DNAH7: variants seen among roughly 807,000 people sequenced by gnomAD.
DNAH7 encodes axonemal beta dynein heavy chain 7.
Under a neutral mutation model 444.6 loss-of-function variants are expected in DNAH7, and 397 were observed. The ratio of observed to expected loss-of-function variants is 0.89; its 90% CI spans 0.82 to 0.97. DNAH7 has a LOEUF of 0.97. Ranked by LOEUF, DNAH7 falls within the 50% of genes least tolerant of loss-of-function variation. DNAH7 has a pLI of 0.00. For synonymous variants in DNAH7, 1,636 were observed against 1,624.4 expected (o/e 1.01, Z -0.17); for missense variants, 4,902 against 4,800.8 (o/e 1.02, Z -0.62).
chr2:195,853,297 C>T (rs1699495225), intron 46 of DNAH7, 46 bp downstream of exon 46: 3 of 1,544,836 alleles, frequency 1.9e-6, no homozygotes. Flanking sequence ...GTTATATTGG[C>T]TGTGATGGGC....
At position 196,027,992 on chromosome 2, in the gene DNAH7, G is replaced by A. The variant is rs766287789; in HGVS notation, c.454C>T (p.Pro152Ser). The change falls in exon 6 of 65, where the codon CCG becomes TCG. Residue 152 changes from proline to serine, a missense_variant. Pro to Ser is a moderately conservative substitution (Grantham distance 74). Transcript: ENST00000312428. ...TCTTTCTCTATAGCAGAAGCGGTCG[G>A]TTTTGGAATTGTGCTTCCATCAGGG... ...AVPDGSTIPK[P>S]TASAIEKDIL... The A allele has an allele frequency of 1.2e-6, 2 of 1,612,226 alleles. No individual in the cohort carries two copies. Among genetic ancestry groups the A allele is most frequent in the Non-Finnish European group, 1.7e-6 (2 of 1,178,944 alleles).
intron 5 of DNAH7, among the ~76,000 whole-genome samples, chr2:196,039,566 G>A (rs1220543010): frequency 1.3e-5 from 2 of 152,144 alleles, no homozygotes; most frequent in South Asian, 2.1e-4. Flanking sequence ...GGGAAGCCAA[G>A]GCAGCTGGAT....
intron 54 of DNAH7, among the ~76,000 whole-genome samples, chr2:195,801,220 A>G (rs1047069434): frequency 6.6e-6 from 1 of 152,204 alleles, no homozygotes; most frequent in African/African-American, 2.4e-5. Flanking sequence ...AACACAGAAC[A>G]GACTAAGACT....
chr2:195,910,657 ATATT>A (rs1230641093), intron 24 of DNAH7, among the ~76,000 whole-genome samples: 11 of 152,190 alleles, frequency 7.2e-5, no homozygotes, highest in Non-Finnish European at 1.0e-4. Context: ...ATAAATGAGT[ATATT>A]TATGCTCAGA....
At chr2:196,058,671 T>A (rs1459869153) in intron 1 of DNAH7, among the ~76,000 whole-genome samples, 1 of 152,042 alleles carries the variant, frequency 6.6e-6, no homozygotes, top group Non-Finnish European at 1.5e-5. Flanking sequence ...CATAAAACAT[T>A]ATTGAAAAAA....
intron 10 of DNAH7, among the ~76,000 whole-genome samples, chr2:196,003,732 T>C (rs1297309326): frequency 6.6e-6 from 1 of 152,172 alleles, no homozygotes; most frequent in Non-Finnish European, 1.5e-5. Flanking sequence ...GTGTAAACCA[T>C]AACAGTTTGC....
intron 36 of DNAH7, among the ~76,000 whole-genome samples, chr2:195,881,548 G>A (rs1701377003): frequency 6.6e-6 from 1 of 152,004 alleles, no homozygotes; most frequent in African/African-American, 2.4e-5. Flanking sequence ...CAAAATAAAT[G>A]GGACAACAAT....
chr2:195,780,782 A>G (rs1695332457), intron 58 of DNAH7, among the ~76,000 whole-genome samples: 2 of 151,898 alleles, frequency 1.3e-5, no homozygotes, highest in African/African-American at 2.4e-5. Context: ...AAAAATATAT[A>G]TATTTTTATA....
At chr2:195,966,786 T>C (rs1353962727) in intron 17 of DNAH7, among the ~76,000 whole-genome samples, 10 of 152,212 alleles carry the variant, frequency 6.6e-5, no homozygotes, top group Non-Finnish European at 1.5e-4. Context: ...TTGTTCCCAT[T>C]GGCATGGAAT....
At chr2:196,009,063 C>CTCTG (rs1307405720) in intron 10 of DNAH7, among the ~76,000 whole-genome samples, 2 of 152,058 alleles carry the variant, frequency 1.3e-5, no homozygotes, top group Admixed American at 1.3e-4. Context: ...TTTAAACAAC[C>CTCTG]AGATCTTGTG....
At chr2:195,907,288 CCTG>C (rs1486365364) in intron 25 of DNAH7, among the ~76,000 whole-genome samples, 2 of 151,914 alleles carry the variant, frequency 1.3e-5, no homozygotes, top group African/African-American at 4.8e-5. Context: ...CAAAGCCTTT[CCTG>C]CTTTTTATTT....
At chr2:195,772,624 T>G (rs1694891955) in intron 60 of DNAH7, among the ~76,000 whole-genome samples, 1 of 152,164 alleles carries the variant, frequency 6.6e-6, no homozygotes, top group Non-Finnish European at 1.5e-5. Context: ...ACATCTCATG[T>G]TTTACCAGTC....
rs369706262 is a variant in DNAH7, at chr2:195,785,115, G to A, written c.10878+1895C>T. Among the ~76,000 whole-genome samples the A allele has an allele frequency of 2.1e-3, 317 of 152,202 alleles. 2 individuals carry two copies. Among genetic ancestry groups the A allele is most frequent in the Non-Finnish European group, 3.3e-3 (227 of 68,018 alleles). On this transcript the variant is annotated intron_variant, in intron 58 of 64. Coordinates refer to ENST00000312428, the MANE Select transcript of DNAH7 (RefSeq NM_018897.3). ...TTTAGTAGAGACGGGGTTTCACCGTGTTAGTCAGGATGATCTCGATCTCCT... is the reference window on the plus strand; with the variant it reads ...TTTAGTAGAGACGGGGTTTCACCGTATTAGTCAGGATGATCTCGATCTCCT...
intron 11 of DNAH7, 53 bp from the exon 12 acceptor site, chr2:196,000,936 C>G: frequency 7.1e-7 from 1 of 1,410,050 alleles, no homozygotes; most frequent in Non-Finnish European, 9.5e-7. Flanking sequence ...TTGTGACAGA[C>G]TAAGTAGTAC....
intron 12 of DNAH7, chr2:195,994,707 T>C (rs570350464): frequency 7.8e-5 from 39 of 502,134 alleles, no homozygotes; most frequent in African/African-American, 7.3e-4. Context: ...TTATAACCAT[T>C]TGGTCTTTAA....
At chr2:196,060,229 A>G (rs939699221) in intron 1 of DNAH7, among the ~76,000 whole-genome samples, 2 of 152,170 alleles carry the variant, frequency 1.3e-5, no homozygotes, top group Non-Finnish European at 2.9e-5. Flanking sequence ...AAAAAAAGAA[A>G]AACAAAAACA....
chr2:195,741,785 T>C (rs929783974), intron 63 of DNAH7, among the ~76,000 whole-genome samples: 1 of 152,246 alleles, frequency 6.6e-6, no homozygotes, highest in Non-Finnish European at 1.5e-5. Flanking sequence ...TGAGCAGTGC[T>C]GTCCAGTAGA....
At chr2:195,954,477 A>G (rs978373358) in intron 19 of DNAH7, among the ~76,000 whole-genome samples, 6 of 152,190 alleles carry the variant, frequency 3.9e-5, no homozygotes, top group Non-Finnish European at 7.3e-5. Context: ...GAATAGTGCC[A>G]CAATAAACAT....
In DNAH7 at chr2:195,794,496, G is replaced by A. The variant is rs768021237; in HGVS notation, c.10558C>T (p.Leu3520=). ...AAATTTGGAGATGGGTAACTCGTTA[G>A]CCACATTCGGAAATCTGGATGTGTT... ...ESTHPDFRMW[L]TSYPSPNFPV... The change falls in exon 57 of 65, where the codon CTA becomes TTA. Residue 3520 remains leucine (L), a synonymous_variant. Transcript: ENST00000312428. The A allele has an allele frequency of 7.4e-6, 12 of 1,614,152 alleles. No individual in the cohort carries two copies. In the East Asian group the frequency reaches 1.8e-4, roughly 24 times the overall value.
Sources: gnomAD v4.1 joint callset for allele counts (sites outside exome capture counted in the v4.1 genomes callset) on GRCh38, gnomAD v4.1.1 for gene constraint, MANE v1.5 for transcripts, NCBI Gene and HGNC (gene_info 2026-07-23, HGNC 2026-07-21) for gene names.